GOPC: variants seen among roughly 807,000 people sequenced by gnomAD.
GOPC encodes the protein golgi associated PDZ and coiled-coil motif containing, also known as Golgi-associated PDZ and coiled-coil motif-containing protein.
Under a neutral mutation model 51.2 loss-of-function variants are expected in GOPC, and 32 were observed. That is an observed-to-expected ratio of 0.63 (90% confidence interval 0.47 to 0.84). The LOEUF (loss-of-function observed/expected upper bound fraction) is 0.84, where lower values mean the gene tolerates loss of function less well. Among genes scored for constraint, GOPC ranks in the 40% least tolerant of loss-of-function variants. The probability of loss-of-function intolerance (pLI) is 0.00; values close to 1 mark genes in which losing one functional copy is unlikely to be tolerated. For synonymous variants in GOPC, 190 were observed against 205.1 expected, an observed-to-expected ratio of 0.93 and a Z score of 0.63; for missense variants, 441 against 555.5, an observed-to-expected ratio of 0.79 and a Z score of 2.07.
At chr6:117,582,312 T>TCACACAC (rs1562143803) in intron 1 of GOPC, among the ~76,000 whole-genome samples, 1 of 92,214 alleles carries the variant, frequency 1.1e-5, no homozygotes, top group African/African-American at 4.6e-5. Flanking sequence ...ACACACACAT[T>TCACACAC]GATAGAGGCA....
rs770215413 is a variant in GOPC, at chr6:117,575,325, CTTTTT to C, written c.497_501del (p.Lys166ArgfsTer9). ...TCAAGTTGTGCTTCTTTCATTTTTT[CTTTTT>C]TGTTTGCCTCAAGCTCTCTTTCCTA... On this transcript the variant is annotated frameshift_variant, in exon 4 of 9. Coordinates refer to ENST00000368498, the MANE Select transcript of GOPC (RefSeq NM_020399.4). LOFTEE classifies it high-confidence loss of function. 1 of 1,610,368 alleles carries C rather than the reference CTTTTT, an allele frequency of 6.2e-7. No individual in the cohort carries two copies. Among genetic ancestry groups the C allele is most frequent in the Non-Finnish European group, 8.5e-7 (1 of 1,178,732 alleles).
At chr6:117,563,617 G>T (rs755687006) in intron 8 of GOPC, among the ~76,000 whole-genome samples, 5 of 152,076 alleles carry the variant, frequency 3.3e-5, no homozygotes, top group Non-Finnish European at 5.9e-5. Context: ...AGCTATTTGG[G>T]AGACTGAGGA....
intron 7 of GOPC, among the ~76,000 whole-genome samples, chr6:117,567,673 T>C (rs1427275117): frequency 1.3e-5 from 2 of 152,030 alleles, no homozygotes; most frequent in Non-Finnish European, 2.9e-5. Flanking sequence ...ATATTTACTA[T>C]AAATTATAGC....
rs1420774508 is a variant in GOPC, at chr6:117,562,750, A to C, written c.*504T>G. On this transcript the variant is annotated 3_prime_UTR_variant, in exon 9 of 9. Coordinates refer to ENST00000368498, the MANE Select transcript of GOPC (RefSeq NM_020399.4). ...TTAGGATGCACAATAAATTTTTTTA[A>C]GTCTAAAGCCTTTCAGTTACAAAAA... The C allele has an allele frequency of 6.7e-5, 14 of 207,812 alleles. No homozygotes were observed. The East Asian group carries it at 1.0e-3, about 15-fold the overall frequency. 12.9% of individuals were successfully genotyped at this position (207,812 alleles called of 1,614,324 possible).
rs549419675 is a variant in GOPC at position 117,597,080 on chromosome 6, T to G, written c.285+4924A>C. 3.9e-5 allele frequency among the ~76,000 whole-genome samples: 6 copies of G among 152,312 alleles called. No homozygotes were observed. In the East Asian group the frequency reaches 1.2e-3, roughly 29 times the overall value. The stretch of plus-strand genomic sequence containing the variant: ...ATTTCTTTCAGCAGTGTTTTATAGT[T>G]TTCTTTGTATAGGTCTTTCATCTCC... On this transcript the variant is annotated intron_variant, in intron 1 of 8. Coordinates refer to ENST00000368498, the MANE Select transcript of GOPC (RefSeq NM_020399.4).
Position 117,588,948 on chromosome 6 carries a change from T to A in GOPC, c.286-9884A>T, listed in dbSNP as rs564756278. On this transcript the variant is annotated intron_variant, in intron 1 of 8. Transcript: ENST00000368498. ...GCTCATGTGGCTCCACCATATAGAGTAGGGGTAGGCAATCTTTTGGCTTCC... is the reference window on the plus strand; with the variant it reads ...GCTCATGTGGCTCCACCATATAGAGAAGGGGTAGGCAATCTTTTGGCTTCC... 4.6e-5 allele frequency among the ~76,000 whole-genome samples: 7 copies of A among 151,914 alleles called. No individual in the cohort carries two copies. In the East Asian group the frequency reaches 1.4e-3, roughly 29 times the overall value.
chr6:117,590,257 T>C (rs1421631999), intron 1 of GOPC, among the ~76,000 whole-genome samples: 2 of 152,162 alleles, frequency 1.3e-5, no homozygotes, highest in Non-Finnish European at 2.9e-5. Context: ...TTCTAGAAGT[T>C]TTCTATTAGG....
intron 1 of GOPC, among the ~76,000 whole-genome samples, chr6:117,599,116 A>G (rs975867234): frequency 9.9e-5 from 15 of 152,274 alleles, no homozygotes; most frequent in Admixed American, 2.6e-4. Flanking sequence ...ATATTTTAAT[A>G]ATAAATATAG....
rs1459487277 is a variant in GOPC, at chr6:117,578,985, T to C, written c.365A>G (p.Gln122Arg). The stretch of plus-strand genomic sequence containing the variant: ...CTGAATAGAGTGCAGCTGTAAAAGC[T>C]GATCATGTACTTCTTTCTCCAAAAC... ...KVVLEKEVHD[Q>R]LLQLHSIQLQ... Residue 122 changes from glutamine to arginine, a missense_variant, in exon 2 of 9, where the codon CAG (glutamine) becomes CGG (arginine). By Grantham distance (43) the Gln-to-Arg change is conservative. Coordinates refer to ENST00000368498, the MANE Select transcript of GOPC (RefSeq NM_020399.4). 3 of 1,612,622 alleles carry C rather than the reference T, an allele frequency of 1.9e-6. No homozygotes were observed. The highest frequency in any genetic ancestry group is 1.7e-5 in the Admixed American group (1 of 59,804).
At chr6:117,587,440 GC>G (rs1780048541) in intron 1 of GOPC, among the ~76,000 whole-genome samples, 2 of 151,754 alleles carry the variant, frequency 1.3e-5, no homozygotes, top group South Asian at 4.1e-4. Flanking sequence ...AGAGTTTGAG[GC>G]CAGTCTGGGC....
intron 4 of GOPC, 100 bp from the exon 5 acceptor site, chr6:117,573,732 A>C (rs1779839605): frequency 2.4e-5 from 23 of 951,468 alleles, no homozygotes; most frequent in Non-Finnish European, 3.4e-5. Flanking sequence ...ATGAATCTCA[A>C]ATTAGTGATA....
intron 1 of GOPC, among the ~76,000 whole-genome samples, chr6:117,582,520 T>G (rs77854887): frequency 3.3e-5 from 5 of 150,980 alleles, no homozygotes; most frequent in Non-Finnish European, 5.9e-5. Context: ...CTGCCCCCCA[T>G]CCTGTGCCAG....
At position 117,602,368 on chromosome 6, in the gene GOPC, G is replaced by T. The variant is rs1772033936; in HGVS notation, c.-80C>A. 2.1e-6 allele frequency: 3 copies of T among 1,400,988 alleles called. No homozygotes were observed. Among genetic ancestry groups the T allele is most frequent in the Non-Finnish European group, 2.8e-6 (3 of 1,065,418 alleles). The allele number at this position is 1,400,988 out of a possible 1,614,324, so 86.8% of individuals were successfully genotyped here. On this transcript the variant is annotated 5_prime_UTR_variant, in exon 1 of 9. Transcript: ENST00000368498. ...CGAAGGGAACTGCTGGGACTGAGGGGACCCCCGCGCGCGCGGGCACACTCC... is the reference window on the plus strand; with the variant it reads ...CGAAGGGAACTGCTGGGACTGAGGGTACCCCCGCGCGCGCGGGCACACTCC...
In GOPC at chr6:117,602,280, C is replaced by A. The variant is rs750600361; in HGVS notation, c.9G>T (p.Ala3=). MS[A]GGPCPAAAGG... is the part of the protein sequence containing the mutation. ...CGGCTGCTGCTGGGCATGGACCGCC[C>A]GCCGACATGGCGCCGTCAAGGGCCT... Residue 3 remains alanine (A), a synonymous_variant, in exon 1 of 9, where the codon GCG becomes GCT. Coordinates refer to ENST00000368498, the MANE Select transcript of GOPC (RefSeq NM_020399.4). The A allele has an allele frequency of 1.3e-5, 20 of 1,589,952 alleles. No homozygotes were observed. Among genetic ancestry groups the A allele is most frequent in the Non-Finnish European group, 1.6e-5 (19 of 1,175,598 alleles).
At position 117,562,688 on chromosome 6, in the gene GOPC, C is replaced by T. The variant is rs1209982209; in HGVS notation, c.*566G>A. 4.8e-6 allele frequency: 1 copy of T among 206,384 alleles called. No individual in the cohort carries two copies. The highest frequency in any genetic ancestry group is 2.3e-5 in the African/African-American group (1 of 43,868). The allele number at this position is 206,384 out of a possible 1,614,324, so 12.8% of individuals were successfully genotyped here. On this transcript the variant is annotated 3_prime_UTR_variant, in exon 9 of 9. Coordinates refer to ENST00000368498, the MANE Select transcript of GOPC (RefSeq NM_020399.4). Reference sequence around the variant, plus strand: ...ATTGAATAAAGCTGAAATGCAAACTCATTACAATAAATGATCATTAATAAT... The same window carrying T: ...ATTGAATAAAGCTGAAATGCAAACTTATTACAATAAATGATCATTAATAAT...
At chr6:117,598,766 C>A (rs1441688050) in intron 1 of GOPC, among the ~76,000 whole-genome samples, 1 of 152,068 alleles carries the variant, frequency 6.6e-6, no homozygotes, top group East Asian at 1.9e-4. Context: ...AAGCCACGGA[C>A]CAGTACTGGT....
chr6:117,577,343 A>T (rs1779897704), intron 3 of GOPC, 105 bp downstream of exon 3: 1 of 1,042,314 alleles, frequency 9.6e-7, no homozygotes, highest in Non-Finnish European at 1.4e-6. Context: ...TGCCATTATT[A>T]ATGCTATTTT....
At chr6:117,588,478 G>A (rs1036780155) in intron 1 of GOPC, among the ~76,000 whole-genome samples, 8 of 151,986 alleles carry the variant, frequency 5.3e-5, no homozygotes, top group African/African-American at 1.9e-4. Context: ...GTTTCACCAT[G>A]TTGGCCAGAC....
Position 117,602,449 on chromosome 6 carries a change from G to A in GOPC, c.-161C>T. On this transcript the variant is annotated 5_prime_UTR_variant, in exon 1 of 9. Transcript: ENST00000368498. ...CCAGCAGCACAGTCACAGAACCGCA[G>A]GAGTAACGAGGCTGAAGCTGAGGCG... 4.5e-6 allele frequency: 3 copies of A among 670,204 alleles called. No homozygotes were observed. The highest frequency in any genetic ancestry group is 3.9e-5 in the South Asian group (2 of 51,638). 41.5% of individuals were successfully genotyped at this position (670,204 alleles called of 1,614,324 possible). A position where few individuals can be genotyped will look rare whatever the true frequency, so the allele number is the denominator to read the frequency against.
Sources: gnomAD v4.1 joint callset for allele counts (sites outside exome capture counted in the v4.1 genomes callset) on GRCh38, gnomAD v4.1.1 for gene constraint, MANE v1.5 for transcripts, NCBI Gene and HGNC (gene_info 2026-07-23, HGNC 2026-07-21) for gene names.